The following ARID1B variants were observed in gnomAD, a reference collection of about 807,000 sequenced individuals.
The protein encoded by ARID1B is AT-rich interaction domain 1B, also known as AT-rich interactive domain-containing protein 1B.
In ARID1B, 30 loss-of-function variants were observed where a neutral mutation model predicts 212.3. The ratio of observed to expected loss-of-function variants is 0.14; its 90% CI spans 0.11 to 0.19. ARID1B has a LOEUF of 0.19. Among genes scored for constraint, ARID1B ranks in the 10% least tolerant of loss-of-function variants. ARID1B has a pLI of 1.00. For missense variants in ARID1B, 2,891 were observed against 3,204.0 expected, an observed-to-expected ratio of 0.90 and a Z score of 2.36; for synonymous variants, 1,402 against 1,301.7, an observed-to-expected ratio of 1.08 and a Z score of -1.66.
Position 157,019,282 on chromosome 6 carries a change from C to T in ARID1B, c.2248-65380C>T, listed in dbSNP as rs1029095775. ...GGCTTAGGAGGAGAGATGCGAGTCT[C>T]AGTTAAGGCATTGGTAATGGGAATG... is the stretch of plus-strand genomic sequence containing the variant. On this transcript the variant is annotated intron_variant, in intron 4 of 19. Coordinates refer to ENST00000636930, the MANE Select transcript of ARID1B (RefSeq NM_001374828.1). 1.1e-4 allele frequency among the ~76,000 whole-genome samples: 17 copies of T among 152,254 alleles called. 1 individual carries two copies. In the East Asian group the frequency reaches 2.1e-3, roughly 19 times the overall value.
intron 8 of ARID1B, among the ~76,000 whole-genome samples, chr6:157,158,599 T>A (rs1234866882): frequency 6.6e-6 from 1 of 152,236 alleles, no homozygotes; most frequent in African/African-American, 2.4e-5. Flanking sequence ...GCTGGGCTGA[T>A]AAGCTCTCTG....
intron 7 of ARID1B, among the ~76,000 whole-genome samples, chr6:157,143,389 T>C (rs1163744858): frequency 6.6e-6 from 1 of 151,234 alleles, no homozygotes; most frequent in African/African-American, 2.4e-5. Flanking sequence ...TTGGCTTACA[T>C]ATTTGGTTTT....
rs1263434500 is a variant in ARID1B, at chr6:157,206,964, G to A, written c.6192G>A (p.Leu2064=). Residue 2064 remains leucine (L), a synonymous_variant, in exon 20 of 20, where the codon CTG becomes CTA. Coordinates refer to ENST00000636930, the MANE Select transcript of ARID1B (RefSeq NM_001374828.1). The surrounding 1 kb of genome is among the most constrained non-coding windows in gnomAD (Gnocchi z 6.8). ...CCATCGCGCACTGGCAGGACTCGCT[G>A]GCTAAGCGATGCATCTGTGTGTCCA... ...LCTIAHWQDS[L]AKRCICVSNI... is the part of the protein sequence containing the mutation. 1.2e-6 allele frequency: 2 copies of A among 1,614,230 alleles called. No individual in the cohort carries two copies. Among genetic ancestry groups the A allele is most frequent in the Admixed American group, 1.7e-5 (1 of 60,028 alleles).
intron 8 of ARID1B, among the ~76,000 whole-genome samples, chr6:157,160,417 C>T (rs1027845847): frequency 1.3e-5 from 2 of 152,204 alleles, no homozygotes; most frequent in Non-Finnish European, 2.9e-5. Flanking sequence ...GGACCTAATT[C>T]ATCACCAAAT....
intron 2 of ARID1B, among the ~76,000 whole-genome samples, chr6:156,856,029 A>G (rs948590523): frequency 6.6e-6 from 1 of 152,140 alleles, no homozygotes. Context: ...CTGGTTGTAG[A>G]TGGAGGGAAG....
At chr6:157,032,355 GT>G (rs1463163349) in intron 4 of ARID1B, among the ~76,000 whole-genome samples, 1 of 151,850 alleles carries the variant, frequency 6.6e-6, no homozygotes, top group Non-Finnish European at 1.5e-5. Flanking sequence ...ATATTTGTAC[GT>G]TTTTTTCTAA....
chr6:156,909,270 C>T (rs559223739), intron 3 of ARID1B, among the ~76,000 whole-genome samples: 3 of 151,726 alleles, frequency 2.0e-5, no homozygotes, highest in Non-Finnish European at 4.4e-5. Flanking sequence ...GGATTACAGG[C>T]GTGCACCTCC....
intron 3 of ARID1B, among the ~76,000 whole-genome samples, chr6:156,916,371 A>G (rs1250191639): frequency 6.6e-6 from 1 of 152,212 alleles, no homozygotes; most frequent in Non-Finnish European, 1.5e-5. Context: ...TAACTAGGAC[A>G]TCAGAGGTTC....
At chr6:157,012,812 C>T (rs1779693878) in intron 4 of ARID1B, among the ~76,000 whole-genome samples, 1 of 152,146 alleles carries the variant, frequency 6.6e-6, no homozygotes, top group African/African-American at 2.4e-5. Flanking sequence ...CAAATGTGCG[C>T]AAATAATAGG....
At chr6:156,976,846 A>G in intron 4 of ARID1B, 1 of 580,110 alleles carries the variant, frequency 1.7e-6, no homozygotes, top group Non-Finnish European at 3.3e-6. Context: ...ATTGATGATC[A>G]CAGAGCTGGG....
At chr6:156,908,526 C>T (rs146329715) in intron 3 of ARID1B, among the ~76,000 whole-genome samples, 6 of 152,220 alleles carry the variant, frequency 3.9e-5, no homozygotes, top group Non-Finnish European at 7.4e-5. Flanking sequence ...ACCTTGATTA[C>T]GTCTTGCTTT....
At chr6:157,143,568 G>A (rs1233535009) in intron 7 of ARID1B, among the ~76,000 whole-genome samples, 3 of 152,064 alleles carry the variant, frequency 2.0e-5, no homozygotes, top group South Asian at 4.1e-4. Flanking sequence ...GGTGCCTGGC[G>A]CTGTACTTGT....
intron 6 of ARID1B, among the ~76,000 whole-genome samples, chr6:157,117,493 C>A (rs1404544830): frequency 6.6e-6 from 1 of 152,182 alleles, no homozygotes; most frequent in Non-Finnish European, 1.5e-5. Flanking sequence ...CTTTCTCTTA[C>A]CTTTTCCTGC....
intron 3 of ARID1B, among the ~76,000 whole-genome samples, chr6:156,921,439 ACACACACAC>A (rs1340961616): frequency 9.4e-3 from 2 of 212 alleles, no homozygotes; most frequent in Non-Finnish European, 0.077. Context: ...TGATGGGAAA[ACACACACAC>A]ACACACACAC....
At chr6:157,196,026 A>G (rs1793693681) in intron 15 of ARID1B, 139 bp from the exon 16 acceptor site, 4 of 1,092,644 alleles carry the variant, frequency 3.7e-6, no homozygotes, top group East Asian at 2.7e-5. Context: ...ACACCACTGC[A>G]TTAGCCTGGG....
chr6:157,097,997 C>T (rs552421434), intron 5 of ARID1B, among the ~76,000 whole-genome samples: 4 of 152,198 alleles, frequency 2.6e-5, no homozygotes, highest in Non-Finnish European at 4.4e-5. Flanking sequence ...CTGAATTAGA[C>T]GATGAATACA....
chr6:156,855,832 A>G (rs1259361816), intron 2 of ARID1B, among the ~76,000 whole-genome samples: 2 of 152,196 alleles, frequency 1.3e-5, no homozygotes, highest in South Asian at 2.1e-4. Flanking sequence ...GAATCTAGGA[A>G]CCAGATGGCT....
chr6:156,788,605 T>G (rs1413907841), intron 1 of ARID1B, among the ~76,000 whole-genome samples: 1 of 152,208 alleles, frequency 6.6e-6, no homozygotes, highest in Non-Finnish European at 1.5e-5. Flanking sequence ...TTTTGGGTGC[T>G]AGACTTTGGT....
chr6:156,952,241 G>A (rs1041897395), intron 4 of ARID1B, among the ~76,000 whole-genome samples: 2 of 152,100 alleles, frequency 1.3e-5, no homozygotes, highest in Admixed American at 1.3e-4. Context: ...TTAAAGATGA[G>A]GGCTCAAGAT....
Sources: gnomAD v4.1 joint callset for allele counts (sites outside exome capture counted in the v4.1 genomes callset) on GRCh38, gnomAD v4.1.1 for gene constraint, Gnocchi (gnomAD v3.1) non-coding constraint, MANE v1.5 for transcripts, NCBI Gene and HGNC (gene_info 2026-07-23, HGNC 2026-07-21) for gene names.